ZNF277: variants seen among roughly 807,000 people sequenced by gnomAD.
ZNF277 encodes nuclear receptor-interacting factor 4.
A neutral mutation model predicts 60.7 loss-of-function variants in ZNF277; 55 were observed. The observed-to-expected ratio is 0.91, with a 90% CI of 0.73 to 1.13. The LOEUF (loss-of-function observed/expected upper bound fraction) is 1.13. Among genes scored for constraint, ZNF277 ranks in the 50% most tolerant of loss-of-function variants. The probability of loss-of-function intolerance (pLI) is 0.00; values close to 1 mark genes in which losing one functional copy is unlikely to be tolerated. For missense variants in ZNF277, 510 were observed against 523.0 expected (o/e 0.98, Z 0.24); for synonymous variants, 178 against 179.3 (o/e 0.99, Z 0.06).
At chr7:112,319,927 A>G (rs1031584088) in intron 5 of ZNF277, among the ~76,000 whole-genome samples, 24 of 151,918 alleles carry the variant, frequency 1.6e-4, no homozygotes, top group Non-Finnish European at 5.9e-5. Flanking sequence ...TGCCACCATC[A>G]GAAAATTTAC....
intron 1 of ZNF277, among the ~76,000 whole-genome samples, chr7:112,220,909 C>T (rs918554793): frequency 1.3e-5 from 2 of 152,160 alleles, no homozygotes; most frequent in Admixed American, 1.3e-4. Flanking sequence ...CACGGGCTAC[C>T]CTCTTTGGGT....
intron 4 of ZNF277, among the ~76,000 whole-genome samples, chr7:112,299,212 G>A (rs537306650): frequency 7.4e-4 from 113 of 152,256 alleles, no homozygotes; most frequent in East Asian, 3.3e-3. Context: ...TTCTGTGGGC[G>A]TTAGCAATGA....
intron 1 of ZNF277, among the ~76,000 whole-genome samples, chr7:112,256,327 G>C (rs912919294): frequency 6.6e-6 from 1 of 151,670 alleles, no homozygotes; most frequent in Non-Finnish European, 1.5e-5. Context: ...CCACCTACCA[G>C]GGACCTAGCA....
chr7:112,231,991 C>T (rs1379111891), intron 1 of ZNF277, among the ~76,000 whole-genome samples: 1 of 147,624 alleles, frequency 6.8e-6, no homozygotes, highest in Non-Finnish European at 1.5e-5. Context: ...AATTACCTCC[C>T]TTGGCGAAAA....
At chr7:112,306,212 CTTTTTTT>C (rs555931160) in intron 4 of ZNF277, among the ~76,000 whole-genome samples, 1 of 116,934 alleles carries the variant, frequency 8.6e-6, no homozygotes, top group Non-Finnish European at 1.7e-5. Flanking sequence ...TCTGAATGTT[CTTTTTTT>C]TTTTTTTTTT....
intron 5 of ZNF277, among the ~76,000 whole-genome samples, chr7:112,318,974 C>T (rs1176471453): frequency 2.6e-5 from 4 of 152,024 alleles, no homozygotes; most frequent in Admixed American, 1.3e-4. Context: ...AGATTAGAAA[C>T]AGCCAAATGA....
At chr7:112,328,075 G>A in intron 6 of ZNF277, 1 of 280,464 alleles carries the variant, frequency 3.6e-6, no homozygotes, top group Non-Finnish European at 6.5e-6. Flanking sequence ...ATGCCGTATA[G>A]GATATGAAGA....
At chr7:112,255,693 A>G (rs1563205594) in intron 1 of ZNF277, among the ~76,000 whole-genome samples, 3 of 152,200 alleles carry the variant, frequency 2.0e-5, no homozygotes, top group Non-Finnish European at 4.4e-5. Flanking sequence ...CTTCCTCTTG[A>G]GGATCACTGC....
chr7:112,251,353 C>T lies in ZNF277; in HGVS notation c.92-35520C>T, dbSNP rs545436316. Among the ~76,000 whole-genome samples the T allele has an allele frequency of 1.9e-4, 29 of 152,268 alleles. No individual in the cohort carries two copies. The South Asian group carries it at 3.7e-3, about 20-fold the overall frequency. On this transcript the variant is annotated intron_variant, in intron 1 of 11. Transcript: ENST00000361822. ...CCTCTTTAACCAAAAAGTTTCTGCT[C>T]GTACAGATTTTATATAATGGGATTT... is the stretch of plus-strand genomic sequence containing the variant.
intron 4 of ZNF277, among the ~76,000 whole-genome samples, chr7:112,309,553 C>A (rs1792674745): frequency 6.6e-6 from 1 of 151,734 alleles, no homozygotes; most frequent in Non-Finnish European, 1.5e-5. Flanking sequence ...TTTTTTAAGG[C>A]TTGATATTGG....
chr7:112,336,178 G>A lies in ZNF277; in HGVS notation c.869+7G>A, dbSNP rs779888520. 1.2e-6 allele frequency: 2 copies of A among 1,607,660 alleles called. No homozygotes were observed. The highest frequency in any genetic ancestry group is 1.7e-4 in the Middle Eastern group (1 of 6,036). Reference sequence around the variant, plus strand: ...TGCTGGACCATCAGGAAGAGTAAGAGTTGTTATTGCTGCTAATTAATTGCA... The same window carrying A: ...TGCTGGACCATCAGGAAGAGTAAGAATTGTTATTGCTGCTAATTAATTGCA... On this transcript the variant is annotated splice_region_variant and intron_variant, in intron 8 of 11. Transcript: ENST00000361822.
chr7:112,339,907 T>C, intron 10 of ZNF277, 22 bp downstream of exon 10: 1 of 1,605,132 alleles, frequency 6.2e-7, no homozygotes, highest in Admixed American at 1.7e-5. Flanking sequence ...TCAGAGGTTT[T>C]TTTCTGTGAT....
At chr7:112,298,471 A>G (rs1445571329) in intron 4 of ZNF277, among the ~76,000 whole-genome samples, 1 of 152,144 alleles carries the variant, frequency 6.6e-6, no homozygotes, top group African/African-American at 2.4e-5. Context: ...TTTTATGGGG[A>G]GGAGTATGAG....
chr7:112,240,553 C>G (rs1790922571), intron 1 of ZNF277, among the ~76,000 whole-genome samples: 1 of 151,944 alleles, frequency 6.6e-6, no homozygotes, highest in Non-Finnish European at 1.5e-5. Context: ...ATACTATGTA[C>G]CCACAAAAAA....
At chr7:112,336,054 T>C in intron 7 of ZNF277, 50 bp from the exon 8 acceptor site, 2 of 1,486,642 alleles carry the variant, frequency 1.3e-6, no homozygotes, top group Non-Finnish European at 1.9e-6. Flanking sequence ...ACATACTCTC[T>C]CCCTTCTCTT....
intron 1 of ZNF277, among the ~76,000 whole-genome samples, chr7:112,227,516 C>T (rs918706075): frequency 6.6e-6 from 1 of 152,020 alleles, no homozygotes; most frequent in Non-Finnish European, 1.5e-5. Flanking sequence ...TGTGATTGGC[C>T]AAAACTGCAT....
intron 5 of ZNF277, 49 bp downstream of exon 5, chr7:112,318,322 C>G: frequency 6.7e-7 from 1 of 1,485,346 alleles, no homozygotes; most frequent in Non-Finnish European, 9.4e-7. Flanking sequence ...TCTGAAAACT[C>G]ATCAGAACAT....
chr7:112,238,305 T>A (rs1235271243), intron 1 of ZNF277, among the ~76,000 whole-genome samples: 4 of 152,026 alleles, frequency 2.6e-5, no homozygotes, highest in Admixed American at 2.6e-4. Context: ...CCTGTCACAG[T>A]GGAAAGCAAC....
intron 1 of ZNF277, among the ~76,000 whole-genome samples, chr7:112,226,130 A>G (rs572159166): frequency 7.2e-5 from 11 of 152,260 alleles, no homozygotes; most frequent in South Asian, 6.2e-4. Context: ...TCTCCCCCTT[A>G]TTTATTAAGA....
Sources: allele counts gnomAD v4.1 joint callset (sites outside exome capture counted in the v4.1 genomes callset), GRCh38; gene constraint gnomAD v4.1.1; transcripts MANE v1.5; gene names NCBI Gene and HGNC (gene_info 2026-07-23, HGNC 2026-07-21).